The following NLGN4Y variants were observed in gnomAD, a reference collection of about 807,000 sequenced individuals.
NLGN4Y encodes neuroligin-4, Y-linked.
In NLGN4Y, 4 loss-of-function variants were observed where a neutral mutation model predicts 8.4. The observed-to-expected ratio is 0.48, with a 90% CI of 0.23 to 1.09. The LOEUF is 1.09. Ranked by LOEUF, NLGN4Y falls within the 50% of genes least tolerant of loss-of-function variation. NLGN4Y has a pLI of 0.19. For missense variants in NLGN4Y, 90 were observed against 192.3 expected (o/e 0.47, Z 3.15); for synonymous variants, 35 against 75.6 (o/e 0.46, Z 2.78).
intron 2 of NLGN4Y, among the ~76,000 whole-genome samples, chrY:14,668,582 A>G (rs2080699823): frequency 3.0e-5 from 1 of 33,388 alleles, no homozygotes; most frequent in East Asian, 7.9e-4. Flanking sequence ...TATAAATGAA[A>G]TATACTGGGG....
chrY:14,563,185 A>G (rs2080240700), intron 1 of NLGN4Y, among the ~76,000 whole-genome samples: 1 of 33,667 alleles, frequency 3.0e-5, no homozygotes, highest in Non-Finnish European at 7.3e-5. Context: ...CAGGTTTTTC[A>G]TAAGTAGCTT....
chrY:14,639,068 C>T, intron 2 of NLGN4Y: 1 of 70,230 alleles, frequency 1.4e-5, no homozygotes, highest in Middle Eastern at 4.5e-3. Flanking sequence ...GAGCCACGCG[C>T]GGGCCCAGCC....
intron 2 of NLGN4Y, among the ~76,000 whole-genome samples, chrY:14,638,222 T>G: frequency 3.0e-5 from 1 of 32,848 alleles, no homozygotes; most frequent in Non-Finnish European, 7.4e-5. Context: ...CCTCTCCCTG[T>G]GTCCATGTGT....
chrY:14,557,470 A>AG (rs2080213665), intron 1 of NLGN4Y, among the ~76,000 whole-genome samples: 1 of 33,027 alleles, frequency 3.0e-5, no homozygotes, highest in Non-Finnish European at 7.4e-5. Flanking sequence ...AGATGATGGG[A>AG]GGGGGAGAAG....
At chrY:14,591,846 C>T in intron 1 of NLGN4Y, among the ~76,000 whole-genome samples, 1 of 33,335 alleles carries the variant, frequency 3.0e-5, no homozygotes, top group Non-Finnish European at 7.4e-5. Flanking sequence ...GTTGCACGTC[C>T]TGTTAGGGTA....
chrY:14,808,841 T>C, intron 4 of NLGN4Y, among the ~76,000 whole-genome samples: 2 of 34,067 alleles, frequency 5.9e-5, no homozygotes. Flanking sequence ...ACCTTAGATC[T>C]TGAGGACTTC....
intron 4 of NLGN4Y, among the ~76,000 whole-genome samples, chrY:14,759,319 G>C: frequency 1.9e-4 from 6 of 30,849 alleles, no homozygotes; most frequent in Non-Finnish European, 3.9e-4. Flanking sequence ...TTTTGTTTTT[G>C]AGACAGAGTC....
intron 1 of NLGN4Y, among the ~76,000 whole-genome samples, chrY:14,543,762 A>G: frequency 3.0e-5 from 1 of 33,505 alleles, no homozygotes. Context: ...CATATTATCT[A>G]GTACCTGGCA....
At chrY:14,576,243 C>T (rs79612158) in intron 1 of NLGN4Y, among the ~76,000 whole-genome samples, 1 of 33,513 alleles carries the variant, frequency 3.0e-5, no homozygotes. Context: ...CCACCCAGTT[C>T]GAGCTTTTTG....
At chrY:14,649,841 G>T in intron 2 of NLGN4Y, among the ~76,000 whole-genome samples, 5 of 33,216 alleles carry the variant, frequency 1.5e-4, no homozygotes, top group Admixed American at 5.5e-4. Flanking sequence ...AAATGCCCAC[G>T]CATGCAGTGT....
intron 1 of NLGN4Y, among the ~76,000 whole-genome samples, chrY:14,613,743 C>T (rs2080477773): frequency 3.0e-5 from 1 of 33,642 alleles, no homozygotes; most frequent in Admixed American, 2.7e-4. Context: ...CCAGCTTCAT[C>T]TACGTCCCTG....
intron 1 of NLGN4Y, among the ~76,000 whole-genome samples, chrY:14,552,996 T>G: frequency 9.0e-5 from 3 of 33,506 alleles, no homozygotes; most frequent in Non-Finnish European, 2.2e-4. Context: ...TGTTTGCAGA[T>G]GACATGAATG....
At chrY:14,638,395 G>A (rs998699935) in intron 2 of NLGN4Y, among the ~76,000 whole-genome samples, 31 of 33,677 alleles carry the variant, frequency 9.2e-4, no homozygotes, top group African/African-American at 3.5e-3. Context: ...TGGTGTATAT[G>A]TGTCACATTT....
chrY:14,817,812 G>A, intron 4 of NLGN4Y, among the ~76,000 whole-genome samples: 1 of 32,660 alleles, frequency 3.1e-5, no homozygotes, highest in African/African-American at 1.2e-4. Flanking sequence ...GGAGAAGAAG[G>A]CATCCTTGAG....
chrY:14,790,684 C>T, intron 4 of NLGN4Y, among the ~76,000 whole-genome samples: 1 of 33,236 alleles, frequency 3.0e-5, no homozygotes, highest in Non-Finnish European at 7.4e-5. Context: ...AACCATCTTC[C>T]ATCTATAAGT....
intron 2 of NLGN4Y, among the ~76,000 whole-genome samples, chrY:14,696,720 A>G: frequency 3.0e-5 from 1 of 32,819 alleles, no homozygotes; most frequent in Non-Finnish European, 7.5e-5. Flanking sequence ...CCCGGTGATC[A>G]TTTAATCTCT....
In NLGN4Y at chrY:14,585,600, G is replaced by A; in HGVS notation, c.-111-36409G>A. The stretch of plus-strand genomic sequence containing the variant: ...CAAAAAGAAAGTGAAGAGTGTGGCA[G>A]ATTAAAATCTTCATGTTATTTGCAT... On this transcript the variant is annotated intron_variant, in intron 1 of 6. Coordinates refer to ENST00000684976, the MANE Select transcript of NLGN4Y (RefSeq NM_001365588.1). Among the ~76,000 whole-genome samples, 3 of 33,548 alleles carry A rather than the reference G, an allele frequency of 8.9e-5. No individual in the cohort carries two copies. In the South Asian group the frequency reaches 2.0e-3, roughly 22 times the overall value. 90.0% of individuals were successfully genotyped at this position (33,548 alleles called of 37,273 possible).
At chrY:14,589,600 G>T in intron 1 of NLGN4Y, among the ~76,000 whole-genome samples, 5 of 32,858 alleles carry the variant, frequency 1.5e-4, no homozygotes, top group Non-Finnish European at 3.0e-4. Context: ...ATACAGTGTC[G>T]ATTGGTGCAC....
At chrY:14,709,784 A>T in intron 2 of NLGN4Y, among the ~76,000 whole-genome samples, 1 of 33,202 alleles carries the variant, frequency 3.0e-5, no homozygotes, top group Non-Finnish European at 7.4e-5. Flanking sequence ...AAAACTTGGC[A>T]TGTAAGTGAA....
Sources: gnomAD v4.1 joint callset for allele counts (sites outside exome capture counted in the v4.1 genomes callset) on GRCh38, gnomAD v4.1.1 for gene constraint, MANE v1.5 for transcripts, NCBI Gene and HGNC (gene_info 2026-07-23, HGNC 2026-07-21) for gene names.